TLK1: variants seen among roughly 807,000 people sequenced by gnomAD.
TLK1 encodes the protein serine/threonine-protein kinase tousled-like 1.
A neutral mutation model predicts 105.3 loss-of-function variants in TLK1; 24 were observed. That is an observed-to-expected ratio of 0.23 (90% CI 0.17 to 0.32). The LOEUF (loss-of-function observed/expected upper bound fraction) is 0.32. Ranked by LOEUF, TLK1 falls within the 10% of genes least tolerant of loss-of-function variation. The pLI, the probability that TLK1 is intolerant of heterozygous loss-of-function variation, is 1.00. For synonymous variants in TLK1, 321 were observed against 310.4 expected (o/e 1.03, Z -0.36); for missense variants, 558 against 910.5 (o/e 0.61, Z 4.98).
At chr2:171,200,328 T>A (rs976362596) in intron 1 of TLK1, among the ~76,000 whole-genome samples, 4 of 152,180 alleles carry the variant, frequency 2.6e-5, no homozygotes, top group African/African-American at 9.7e-5. Context: ...TTGCGTGATA[T>A]CATTACTTAA....
At chr2:171,145,314 G>A (rs111812939) in intron 1 of TLK1, among the ~76,000 whole-genome samples, 7 of 151,140 alleles carry the variant, frequency 4.6e-5, no homozygotes, top group Admixed American at 6.6e-5. Context: ...AAAAAAGGCC[G>A]GGCACAGTGG....
intron 3 of TLK1, among the ~76,000 whole-genome samples, chr2:171,066,266 A>C (rs1687987844): frequency 2.6e-5 from 4 of 152,232 alleles, no homozygotes; most frequent in Admixed American, 2.6e-4. Context: ...CTATCATCAA[A>C]TAAAAGCATT....
intron 1 of TLK1, among the ~76,000 whole-genome samples, chr2:171,133,747 T>G (rs1251034767): frequency 1.3e-5 from 2 of 150,962 alleles, no homozygotes; most frequent in Non-Finnish European, 3.0e-5. Flanking sequence ...GCAACATGTT[T>G]CAGACTTCTG....
At chr2:171,052,029 G>T (rs1472968180) in intron 8 of TLK1, among the ~76,000 whole-genome samples, 1 of 152,096 alleles carries the variant, frequency 6.6e-6, no homozygotes, top group Non-Finnish European at 1.5e-5. Context: ...CAGCACTTTG[G>T]GAGACCAAGG....
chr2:171,203,403 T>G (rs1693439804), intron 1 of TLK1, among the ~76,000 whole-genome samples: 1 of 152,218 alleles, frequency 6.6e-6, no homozygotes, highest in Non-Finnish European at 1.5e-5. Flanking sequence ...TCTGTATGAA[T>G]TTGACTACTC....
intron 2 of TLK1, among the ~76,000 whole-genome samples, chr2:171,088,668 GT>G (rs1553475158): frequency 1.3e-5 from 2 of 152,144 alleles, no homozygotes; most frequent in Non-Finnish European, 2.9e-5. Context: ...GTGTGCAACA[GT>G]AACACTGGAA....
chr2:171,145,918 G>A (rs982174418), intron 1 of TLK1, among the ~76,000 whole-genome samples: 25 of 151,980 alleles, frequency 1.6e-4, no homozygotes, highest in African/African-American at 4.8e-4. Context: ...AGAAGGTAGT[G>A]ACTGATGGGG....
chr2:171,101,233 C>G (rs2105505134), intron 2 of TLK1, among the ~76,000 whole-genome samples: 1 of 150,512 alleles, frequency 6.6e-6, no homozygotes, highest in East Asian at 2.0e-4. Flanking sequence ...GTAATCCCAG[C>G]TACTCAGGAG....
intron 1 of TLK1, among the ~76,000 whole-genome samples, chr2:171,205,323 C>CT (rs10714396): frequency 5.1e-4 from 74 of 145,946 alleles, no homozygotes; most frequent in Middle Eastern, 7.0e-3. Context: ...TCTAAGACAG[C>CT]TTTTTTTTTT....
chr2:171,108,844 C>T (rs2105516420), intron 2 of TLK1, among the ~76,000 whole-genome samples: 1 of 152,282 alleles, frequency 6.6e-6, no homozygotes, highest in East Asian at 1.9e-4. Context: ...GATCCACCTG[C>T]CCCCGCCTCC....
At chr2:171,136,202 GA>G (rs1691315455) in intron 1 of TLK1, among the ~76,000 whole-genome samples, 1 of 152,198 alleles carries the variant, frequency 6.6e-6, no homozygotes, top group African/African-American at 2.4e-5. Context: ...TATGTTGAGG[GA>G]AATAAGTCAG....
intron 1 of TLK1, among the ~76,000 whole-genome samples, chr2:171,185,315 T>C (rs16859189): frequency 0.045 from 6,903 of 152,242 alleles, 457 homozygotes; most frequent in East Asian, 0.3. Flanking sequence ...CCACTCTGTT[T>C]CTAGGATGAT....
At chr2:171,012,391 G>A (rs1684959692) in intron 13 of TLK1, among the ~76,000 whole-genome samples, 1 of 152,052 alleles carries the variant, frequency 6.6e-6, no homozygotes, top group African/African-American at 2.4e-5. Context: ...GCTAATAAAA[G>A]GCAGGACTTA....
Position 171,014,853 on chromosome 2 carries a change from T to G in TLK1, c.1332A>C (p.Ser444=). The G allele has an allele frequency of 6.2e-7, 1 of 1,607,760 alleles. No homozygotes were observed. Among genetic ancestry groups the G allele is most frequent in the Non-Finnish European group, 8.5e-7 (1 of 1,174,644 alleles). The part of the protein sequence containing the change: ...ELKRINNEDN[S]QFKDHPTLNE... ...GTGAAATGCAAATAATGACTTACTGTGAATTATCTTCATTGTTTATTCTTT... is the reference window on the plus strand; with the variant it reads ...GTGAAATGCAAATAATGACTTACTGGGAATTATCTTCATTGTTTATTCTTT... Residue 444 remains serine (S), a splice_region_variant and synonymous_variant, in exon 13 of 21, where the codon TCA becomes TCC. Coordinates refer to ENST00000431350, the MANE Select transcript of TLK1 (RefSeq NM_012290.5).
intron 3 of TLK1, among the ~76,000 whole-genome samples, chr2:171,070,441 C>G (rs1035196793): frequency 6.6e-6 from 1 of 152,226 alleles, no homozygotes; most frequent in East Asian, 1.9e-4. Context: ...TCTTCCCAGA[C>G]TCTAGTAACC....
intron 1 of TLK1, among the ~76,000 whole-genome samples, chr2:171,137,452 TTTTTA>T (rs1482615647): frequency 2.6e-5 from 4 of 152,178 alleles, no homozygotes; most frequent in African/African-American, 7.2e-5. Flanking sequence ...TTTCTGTGGC[TTTTTA>T]TTTTATTTCT....
At chr2:171,105,066 G>A (rs894880189) in intron 2 of TLK1, among the ~76,000 whole-genome samples, 2 of 152,134 alleles carry the variant, frequency 1.3e-5, no homozygotes, top group African/African-American at 4.8e-5. Context: ...AGAAACCTTA[G>A]AGGAAACACT....
At chr2:170,994,808 C>T in intron 20 of TLK1, 1 of 426,330 alleles carries the variant, frequency 2.3e-6, no homozygotes, top group Non-Finnish European at 4.7e-6. Flanking sequence ...TCTCCTTTGC[C>T]AGGCCTCTTT....
chr2:170,996,486 G>A (rs2105349425), intron 20 of TLK1, among the ~76,000 whole-genome samples, 167 bp downstream of exon 20: 1 of 152,222 alleles, frequency 6.6e-6, no homozygotes, highest in South Asian at 2.1e-4. Context: ...AGCAACCAGA[G>A]GCTGATGCAA....
Sources: allele counts gnomAD v4.1 joint callset (sites outside exome capture counted in the v4.1 genomes callset), GRCh38; gene constraint gnomAD v4.1.1; transcripts MANE v1.5; gene names NCBI Gene and HGNC (gene_info 2026-07-23, HGNC 2026-07-21).